MEGF6: variants seen among roughly 807,000 people sequenced by gnomAD.
MEGF6 encodes the protein multiple epidermal growth factor-like domains protein 6.
In MEGF6, 184 loss-of-function variants were observed where a neutral mutation model predicts 207.1. That is an observed-to-expected ratio of 0.89 (90% CI 0.79 to 1.00). MEGF6 has a LOEUF of 1.00. Ranked by LOEUF, MEGF6 falls within the 50% of genes least tolerant of loss-of-function variation. The probability of loss-of-function intolerance (pLI) is 0.00; values close to 1 mark genes in which losing one functional copy is unlikely to be tolerated. For synonymous variants in MEGF6, 1,038 were observed against 910.0 expected (o/e 1.14, Z -2.53); for missense variants, 2,282 against 2,202.9 (o/e 1.04, Z -0.72).
intron 4 of MEGF6, among the ~76,000 whole-genome samples, chr1:3,528,885 G>A (rs537194194): frequency 2.0e-5 from 3 of 152,284 alleles, no homozygotes; most frequent in African/African-American, 2.4e-5. Flanking sequence ...TAATAAATCC[G>A]TGCTGTCCTA....
intron 1 of MEGF6, among the ~76,000 whole-genome samples, chr1:3,605,150 AC>A (rs1644224443): frequency 1.4e-5 from 1 of 70,732 alleles, no homozygotes; most frequent in African/African-American, 5.3e-5. Context: ...ACAGTCACAC[AC>A]TCACAGTCAC....
chr1:3,619,789 C>T, the MEGF6 span, among the ~76,000 whole-genome samples: 1 of 152,106 alleles, frequency 6.6e-6, no homozygotes, highest in Non-Finnish European at 1.5e-5. Context: ...AAATTGGTAG[C>T]AGGATAGTGG....
At chr1:3,614,096 T>G (rs920294658), upstream of MEGF6, among the ~76,000 whole-genome samples, 1 of 152,122 alleles carries the variant, frequency 6.6e-6, no homozygotes, top group African/African-American at 2.4e-5. Context: ...ATGGGGGCAA[T>G]CCACCGGGGA....
intron 4 of MEGF6, among the ~76,000 whole-genome samples, chr1:3,527,101 G>A (rs182611171): frequency 6.6e-5 from 10 of 152,242 alleles, no homozygotes; most frequent in African/African-American, 1.4e-4. Context: ...GTCCATGATC[G>A]GCTGTGACCA....
At chr1:3,490,717 G>GC in intron 36 of MEGF6, 128 bp from the exon 37 acceptor site, 1 of 1,140,844 alleles carries the variant, frequency 8.8e-7, no homozygotes, top group Non-Finnish European at 1.3e-6. Context: ...GGTGGGTGGG[G>GC]CCCACCCATC....
chr1:3,604,907 GTCCTGACCTCAT>G (rs1259216798), intron 1 of MEGF6, among the ~76,000 whole-genome samples: 1 of 152,032 alleles, frequency 6.6e-6, no homozygotes, highest in Non-Finnish European at 1.5e-5. Flanking sequence ...CTGGGGCTGG[GTCCTGACCTCAT>G]TCCTGACCCC....
chr1:3,602,400 C>T, intron 2 of MEGF6, 66 bp downstream of exon 2: 1 of 1,607,002 alleles, frequency 6.2e-7, no homozygotes, highest in Non-Finnish European at 8.5e-7. Flanking sequence ...TGCCCAGCTC[C>T]CGGGTGGTCA....
intron 18 of MEGF6, 112 bp downstream of exon 18, chr1:3,501,684 G>A (rs939753353): frequency 5.7e-6 from 8 of 1,405,088 alleles, no homozygotes; most frequent in African/African-American, 4.3e-5. Context: ...TCTCACACCT[G>A]CTATAGACGG....
intron 1 of MEGF6, among the ~76,000 whole-genome samples, chr1:3,608,545 A>G (rs1159077909): frequency 6.6e-6 from 1 of 152,184 alleles, no homozygotes; most frequent in Non-Finnish European, 1.5e-5. Context: ...GAGGGAAGGC[A>G]TCATATCATT....
rs1472942602 is a variant in MEGF6 at position 3,494,516 on chromosome 1, G to C, written c.4001-17C>G. ...GGGGACAGGCTGGGGACAGGGCAGG[G>C]TGGGCAGTCCTTCGGCACCAGCCTT... On this transcript the variant is annotated splice_polypyrimidine_tract_variant and intron_variant, in intron 31 of 36. Coordinates refer to ENST00000356575, the MANE Select transcript of MEGF6 (RefSeq NM_001409.4). The C allele has an allele frequency of 3.8e-6, 6 of 1,584,620 alleles. No homozygotes were observed. Among genetic ancestry groups the C allele is most frequent in the Non-Finnish European group, 5.1e-6 (6 of 1,169,106 alleles).
chr1:3,516,853 G>A (rs1029857091), intron 5 of MEGF6, among the ~76,000 whole-genome samples: 3 of 152,204 alleles, frequency 2.0e-5, no homozygotes, highest in Non-Finnish European at 2.9e-5. Context: ...ATTGGGGGTC[G>A]CAGTGATGGC....
intron 7 of MEGF6, 44 bp downstream of exon 7, chr1:3,514,505 GC>G: frequency 6.4e-7 from 1 of 1,550,762 alleles, no homozygotes; most frequent in East Asian, 2.3e-5. Context: ...ACCTGGGTGC[GC>G]TTTCTGACCC....
In MEGF6 at chr1:3,594,495, A is replaced by AC. The variant is rs1190315715; in HGVS notation, c.376+842dup. Among the ~76,000 whole-genome samples, 1 of 152,220 alleles carries AC rather than the reference A, an allele frequency of 6.6e-6. No individual in the cohort carries two copies. The highest frequency in any genetic ancestry group is 1.5e-5 in the Non-Finnish European group (1 of 68,038). ...AGTGCGTGACTCCCGGCCACACTCC[A>AC]CGGCGCAGCCTGTCCCTCACTGGCA... On this transcript the variant is annotated intron_variant, in intron 3 of 36. Coordinates refer to ENST00000356575, the MANE Select transcript of MEGF6 (RefSeq NM_001409.4). The surrounding 1 kb of genome is among the most constrained non-coding windows in gnomAD (Gnocchi z 4.2).
chr1:3,497,199 C>A (rs1193610864), intron 27 of MEGF6, 34 bp downstream of exon 27: 1 of 1,523,072 alleles, frequency 6.6e-7, no homozygotes, highest in South Asian at 1.3e-5. Context: ...CCCTGCCCAG[C>A]CGCTCCTCGG....
chr1:3,496,955 C>T, intron 28 of MEGF6, 33 bp downstream of exon 28: 1 of 1,544,824 alleles, frequency 6.5e-7, no homozygotes, highest in Middle Eastern at 1.8e-4. Flanking sequence ...GGCAGCACTG[C>T]CGAGTCCCTG....
At chr1:3,540,784 A>G (rs1392394610) in intron 4 of MEGF6, among the ~76,000 whole-genome samples, 1 of 152,174 alleles carries the variant, frequency 6.6e-6, no homozygotes, top group African/African-American at 2.4e-5. Context: ...TCCCCACGGC[A>G]GAGCCTTCCT....
At chr1:3,603,128 G>A (rs568244420) in intron 1 of MEGF6, among the ~76,000 whole-genome samples, 84 of 152,326 alleles carry the variant, frequency 5.5e-4, no homozygotes, top group African/African-American at 1.9e-3. Flanking sequence ...GCTCTTGGAG[G>A]AGGAGGTGAA....
chr1:3,567,927 C>T (rs1275042524), intron 4 of MEGF6, among the ~76,000 whole-genome samples: 1 of 152,138 alleles, frequency 6.6e-6, no homozygotes, highest in African/African-American at 2.4e-5. Flanking sequence ...CCTCGGGCTC[C>T]CCCAGGCTGC....
At chr1:3,496,609 G>A in intron 29 of MEGF6, 46 bp downstream of exon 29, 1 of 1,557,914 alleles carries the variant, frequency 6.4e-7, no homozygotes, top group Non-Finnish European at 8.7e-7. Flanking sequence ...CCCTACCCTG[G>A]AGACACAGGA....
Sources: allele counts gnomAD v4.1 joint callset (sites outside exome capture counted in the v4.1 genomes callset), GRCh38; gene constraint gnomAD v4.1.1; non-coding constraint Gnocchi (gnomAD v3.1); transcripts MANE v1.5; gene names NCBI Gene and HGNC (gene_info 2026-07-23, HGNC 2026-07-21).